TM9SF2: variants seen among roughly 807,000 people sequenced by gnomAD.
TM9SF2 encodes the protein transmembrane 9 superfamily member 2, also known as 76 kDa membrane protein.
In TM9SF2, 13 loss-of-function variants were observed where a neutral mutation model predicts 84.9. The observed-to-expected ratio is 0.15, with a 90% confidence interval of 0.10 to 0.24. The LOEUF is 0.24. TM9SF2 is among the 10% of genes least tolerant of loss of function. The pLI, the probability that TM9SF2 is intolerant of heterozygous loss-of-function variation, is 1.00. For missense variants in TM9SF2, 562 were observed against 818.5 expected, an observed-to-expected ratio of 0.69 and a Z score of 3.82; for synonymous variants, 273 against 285.8, an observed-to-expected ratio of 0.96 and a Z score of 0.45.
intron 12 of TM9SF2, among the ~76,000 whole-genome samples, chr13:99,551,404 C>G (rs1188813575): frequency 6.6e-6 from 1 of 152,216 alleles, no homozygotes; most frequent in East Asian, 1.9e-4. Flanking sequence ...ACAGCTGATT[C>G]TCTTCATGAA....
At chr13:99,503,391 G>A (rs529413238) in intron 1 of TM9SF2, among the ~76,000 whole-genome samples, 8 of 152,318 alleles carry the variant, frequency 5.3e-5, no homozygotes, top group African/African-American at 1.9e-4. Flanking sequence ...CAGTGGACTA[G>A]AGTCTTTAGG....
Position 99,501,611 on chromosome 13 carries a change from G to A in TM9SF2, c.5G>A (p.Ser2Asn), listed in dbSNP as rs886912050. Reference sequence around the variant, plus strand: ...CCTTTCCCCGAAACAACTATCATGAGCGCGAGGCTGCCGGTGTTGTCTCCA... The same window carrying A: ...CCTTTCCCCGAAACAACTATCATGAACGCGAGGCTGCCGGTGTTGTCTCCA... M[S>N]ARLPVLSPPR... The change falls in exon 1 of 17, where the codon AGC becomes AAC. Residue 2 changes from serine to asparagine, a missense_variant. By Grantham distance (46) the Ser-to-Asn change is conservative. Coordinates refer to ENST00000376387, the MANE Select transcript of TM9SF2 (RefSeq NM_004800.3). 2 of 1,612,202 alleles carry A rather than the reference G, an allele frequency of 1.2e-6. No homozygotes were observed. Among genetic ancestry groups the A allele is most frequent in the Non-Finnish European group, 1.7e-6 (2 of 1,179,224 alleles).
chr13:99,550,333 T>G (rs144596069), intron 12 of TM9SF2, among the ~76,000 whole-genome samples: 60 of 152,356 alleles, frequency 3.9e-4, no homozygotes, highest in African/African-American at 1.3e-3. Context: ...ACATTTGCAG[T>G]GTAAAGCCAC....
At chr13:99,554,627 C>T (rs2046318791) in intron 14 of TM9SF2, among the ~76,000 whole-genome samples, 172 bp downstream of exon 14, 1 of 152,144 alleles carries the variant, frequency 6.6e-6, no homozygotes, top group African/African-American at 2.4e-5. Flanking sequence ...GGAAGAAGAA[C>T]AATAGTGATA....
intron 12 of TM9SF2, among the ~76,000 whole-genome samples, chr13:99,551,340 C>G (rs1035643137): frequency 6.6e-6 from 1 of 152,198 alleles, no homozygotes; most frequent in Non-Finnish European, 1.5e-5. Context: ...TCCATGGCAG[C>G]GTGCTAGATG....
intron 1 of TM9SF2, among the ~76,000 whole-genome samples, chr13:99,510,060 G>A (rs1390346676): frequency 6.6e-6 from 1 of 152,156 alleles, no homozygotes; most frequent in Non-Finnish European, 1.5e-5. Flanking sequence ...ACTCTTTAGT[G>A]CAGAGTTCCA....
chr13:99,530,924 G>T (rs1334550118), intron 4 of TM9SF2, among the ~76,000 whole-genome samples: 1 of 151,246 alleles, frequency 6.6e-6, no homozygotes, highest in Non-Finnish European at 1.5e-5. Flanking sequence ...GCTGTGGCGT[G>T]ATCTCGGCTC....
intron 2 of TM9SF2, among the ~76,000 whole-genome samples, chr13:99,519,076 A>G (rs147247903): frequency 6.6e-6 from 1 of 152,280 alleles, no homozygotes; most frequent in East Asian, 1.9e-4. Flanking sequence ...GTATACACAA[A>G]AAAGTTACGA....
chr13:99,558,589 A>G (rs941859413), intron 15 of TM9SF2, among the ~76,000 whole-genome samples: 2 of 152,092 alleles, frequency 1.3e-5, no homozygotes, highest in African/African-American at 4.8e-5. Flanking sequence ...TTTGGGTGCT[A>G]TTTTAAATGG....
rs181163466 is a variant in TM9SF2 at position 99,525,678 on chromosome 13, C to T, written c.334-3789C>T. Among the ~76,000 whole-genome samples, 8 of 151,948 alleles carry T rather than the reference C, an allele frequency of 5.3e-5. No homozygotes were observed. In the East Asian group the frequency reaches 1.4e-3, roughly 26 times the overall value. On this transcript the variant is annotated intron_variant, in intron 3 of 16. Transcript: ENST00000376387. The stretch of plus-strand genomic sequence containing the variant: ...TCACACCATTCTCCTGCCTCAGCCT[C>T]CCAAGTAGCTGGGACTATAGGCGCC...
chr13:99,520,271 A>G, intron 3 of TM9SF2, 142 bp downstream of exon 3: 1 of 647,966 alleles, frequency 1.5e-6, no homozygotes, highest in South Asian at 2.1e-5. Context: ...CTTAAAATCA[A>G]AGTTAGAAGG....
chr13:99,557,348 C>T (rs930656104), intron 15 of TM9SF2, among the ~76,000 whole-genome samples: 35 of 152,188 alleles, frequency 2.3e-4, no homozygotes, highest in Non-Finnish European at 4.0e-4. Flanking sequence ...AATAGCTATT[C>T]AAGTCCTTTG....
rs1014123018 is a variant in TM9SF2, at chr13:99,519,733, T to G, written c.240-303T>G. 2.0e-5 allele frequency: 4 copies of G among 195,686 alleles called. No homozygotes were observed. The South Asian group carries it at 4.9e-4, about 24-fold the overall frequency. The allele number at this position is 195,686 out of a possible 1,614,324, so 12.1% of individuals were successfully genotyped here. Reference sequence around the variant, plus strand: ...AAAATTTGCTTGAATAATAAGGATCTAAATAATTTTATTATTGGAGTGAAC... The same window carrying G: ...AAAATTTGCTTGAATAATAAGGATCGAAATAATTTTATTATTGGAGTGAAC... On this transcript the variant is annotated intron_variant, in intron 2 of 16. Coordinates refer to ENST00000376387, the MANE Select transcript of TM9SF2 (RefSeq NM_004800.3).
intron 8 of TM9SF2, 98 bp downstream of exon 8, chr13:99,540,891 A>G (rs564899040): frequency 1.3e-5 from 15 of 1,126,568 alleles, no homozygotes; most frequent in African/African-American, 7.8e-5. Context: ...ACTTTATTCA[A>G]AAGTCTGGCC....
intron 8 of TM9SF2, 143 bp downstream of exon 8, chr13:99,540,936 T>C: frequency 1.5e-6 from 1 of 686,162 alleles, no homozygotes; most frequent in Non-Finnish European, 2.4e-6. Context: ...CCACTGATTG[T>C]GAGTCACAGC....
At chr13:99,523,864 T>C (rs1368169875) in intron 3 of TM9SF2, among the ~76,000 whole-genome samples, 1 of 152,202 alleles carries the variant, frequency 6.6e-6, no homozygotes, top group Non-Finnish European at 1.5e-5. Context: ...GAATTTCTAA[T>C]TTTAAATAGG....
At chr13:99,529,350 C>A (rs2046197702) in intron 3 of TM9SF2, 117 bp from the exon 4 acceptor site, 1 of 824,598 alleles carries the variant, frequency 1.2e-6, no homozygotes, top group Non-Finnish European at 1.7e-6. Context: ...TATTTATTAC[C>A]AATATTAATG....
At chr13:99,537,207 A>C (rs1028241627) in intron 5 of TM9SF2, among the ~76,000 whole-genome samples, 2 of 152,150 alleles carry the variant, frequency 1.3e-5, no homozygotes, top group Non-Finnish European at 2.9e-5. Context: ...CTAGGTGGGG[A>C]TATATATTAA....
Position 99,559,423 on chromosome 13 carries a change from A to G in TM9SF2, c.1813A>G (p.Ile605Val), listed in dbSNP as rs922711236. 4 of 1,612,340 alleles carry G rather than the reference A, an allele frequency of 2.5e-6. No homozygotes were observed. In the African/African-American group the frequency reaches 5.3e-5, roughly 22 times the overall value. Residue 605 changes from isoleucine to valine, a missense_variant, in exon 16 of 17, where the codon ATC becomes GTC. This residue lies in a region of TM9SF2 where 63 missense variants were observed against 109.2 expected (regional missense o/e 0.58). Transcript: ENST00000376387. ...TSGFTAVYFLIYAVHYFFSKL... is the reference protein window; with the variant it reads ...TSGFTAVYFLVYAVHYFFSKL... ...TGGCTTTACTGCAGTTTATTTCTTA[A>G]TCTATGCAGTACACTACTTCTTTTC...
Sources: allele counts gnomAD v4.1 joint callset (sites outside exome capture counted in the v4.1 genomes callset), GRCh38; gene constraint gnomAD v4.1.1; regional missense constraint gnomAD v4.1.1; transcripts MANE v1.5; gene names NCBI Gene and HGNC (gene_info 2026-07-23, HGNC 2026-07-21).